Variants in KCNN3 observed in about 807,000 individuals in gnomAD.
KCNN3 encodes the protein small conductance calcium-activated potassium channel protein 3.
Under a neutral mutation model 62.9 loss-of-function variants are expected in KCNN3, and 16 were observed. The ratio of observed to expected loss-of-function variants is 0.25; its 90% confidence interval spans 0.17 to 0.39. The LOEUF (loss-of-function observed/expected upper bound fraction) is 0.39. KCNN3 is among the 10% of genes least tolerant of loss of function. The pLI is 1.00. For synonymous variants in KCNN3, 370 were observed against 389.2 expected, an observed-to-expected ratio of 0.95 and a Z score of 0.58; for missense variants, 599 against 949.4, an observed-to-expected ratio of 0.63 and a Z score of 4.85.
intron 1 of KCNN3, among the ~76,000 whole-genome samples, chr1:154,863,134 G>C (rs1157749536): frequency 6.6e-6 from 1 of 152,072 alleles, no homozygotes; most frequent in Non-Finnish European, 1.5e-5. Flanking sequence ...CGAAGTGCTG[G>C]GTGACCAGAA....
chr1:154,854,713 C>A (rs766307455), intron 1 of KCNN3, among the ~76,000 whole-genome samples: 31 of 152,170 alleles, frequency 2.0e-4, no homozygotes, highest in Non-Finnish European at 3.8e-4. Flanking sequence ...TTCGTGACAT[C>A]TTGATGATCC....
At chr1:154,808,239 C>A (rs1479272548) in intron 2 of KCNN3, among the ~76,000 whole-genome samples, 1 of 152,204 alleles carries the variant, frequency 6.6e-6, no homozygotes. Flanking sequence ...TGCTGCTCAC[C>A]AGGATCTGGC....
At chr1:154,842,924 A>C (rs1302505789) in intron 1 of KCNN3, among the ~76,000 whole-genome samples, 3 of 152,130 alleles carry the variant, frequency 2.0e-5, no homozygotes, top group Non-Finnish European at 4.4e-5. Flanking sequence ...GCCTCAACTT[A>C]CTCATCTATA....
At chr1:154,714,293 GTATGGTGT>G (rs1557938183) in intron 6 of KCNN3, among the ~76,000 whole-genome samples, 2 of 105,510 alleles carry the variant, frequency 1.9e-5, no homozygotes, top group East Asian at 3.3e-4. Context: ...TGTGTGGTGT[GTATGGTGT>G]GTGTGTGGTT....
At chr1:154,867,920 C>T (rs1558014316) in intron 1 of KCNN3, 2 of 984,246 alleles carry the variant, frequency 2.0e-6, no homozygotes, top group South Asian at 4.7e-5. Context: ...GAGAGCTCCC[C>T]GGCAAGCAGA....
chr1:154,782,317 A>G (rs1649085295), intron 2 of KCNN3, among the ~76,000 whole-genome samples: 1 of 152,224 alleles, frequency 6.6e-6, no homozygotes, highest in African/African-American at 2.4e-5. Context: ...CCGAAACAAA[A>G]TATCATAGAC....
Position 154,787,377 on chromosome 1 carries a change from A to T in KCNN3, c.1030-14984T>A, listed in dbSNP as rs571563630. 6.0e-4 allele frequency among the ~76,000 whole-genome samples: 92 copies of T among 152,246 alleles called. 1 individual carries two copies. In the South Asian group the frequency reaches 0.019, roughly 31 times the overall value. On this transcript the variant is annotated intron_variant, in intron 2 of 7. Coordinates refer to ENST00000271915, the MANE Select transcript of KCNN3 (RefSeq NM_002249.6). ...GCCAGGGCATGCGGCAGCCACCATC[A>T]CCACAGCGACTGCTGCTGGTGAGAG...
At chr1:154,780,829 G>A (rs1649011491) in intron 2 of KCNN3, among the ~76,000 whole-genome samples, 1 of 152,106 alleles carries the variant, frequency 6.6e-6, no homozygotes, top group Admixed American at 6.5e-5. Context: ...AGGAAGAAAG[G>A]GAGGCGGGTG....
At chr1:154,816,455 C>T (rs1006878182) in intron 2 of KCNN3, among the ~76,000 whole-genome samples, 1 of 152,254 alleles carries the variant, frequency 6.6e-6, no homozygotes, top group African/African-American at 2.4e-5. Flanking sequence ...ATTCAATAAA[C>T]ATTCACTGAC....
intron 3 of KCNN3, among the ~76,000 whole-genome samples, chr1:154,761,512 T>G (rs898874581): frequency 2.0e-5 from 3 of 152,140 alleles, no homozygotes; most frequent in Admixed American, 6.5e-5. Flanking sequence ...ATCAACTTAA[T>G]GTTTCTATGT....
In KCNN3 at chr1:154,822,200, A is replaced by G. The variant is rs372167853; in HGVS notation, c.934-16T>C. On this transcript the variant is annotated splice_polypyrimidine_tract_variant and intron_variant, in intron 1 of 7. Coordinates refer to ENST00000271915, the MANE Select transcript of KCNN3 (RefSeq NM_002249.6). ...ACATGGAGTCCTGCAGGAACAATGG[A>G]GAGAGAGAATTAGGGAGTGCGGGGA... 62 of 1,577,606 alleles carry G rather than the reference A, an allele frequency of 3.9e-5. No individual in the cohort carries two copies. The highest frequency in any genetic ancestry group is 3.3e-4 in the Middle Eastern group (2 of 6,028).
At chr1:154,826,870 G>A (rs1651156417) in intron 1 of KCNN3, among the ~76,000 whole-genome samples, 4 of 152,250 alleles carry the variant, frequency 2.6e-5, no homozygotes, top group Admixed American at 2.6e-4. Flanking sequence ...ACCTGGAGGG[G>A]CACTGAACCA....
chr1:154,810,284 A>T (rs1229005086), intron 2 of KCNN3, among the ~76,000 whole-genome samples: 1 of 152,144 alleles, frequency 6.6e-6, no homozygotes, highest in Non-Finnish European at 1.5e-5. Flanking sequence ...GCCCAGGCAG[A>T]TGATGGCTTG....
Position 154,772,249 on chromosome 1 carries a change from A to G in KCNN3, c.1174T>C (p.Phe392Leu). The G allele has an allele frequency of 6.2e-7, 1 of 1,614,262 alleles. No individual in the cohort carries two copies. Among genetic ancestry groups the G allele is most frequent in the Non-Finnish European group, 8.5e-7 (1 of 1,180,044 alleles). Reference sequence around the variant, plus strand: ...TCCGCCCGGGAGGGTGTGTAGGAGAAGGCCAGGCGTGCCGTCCAGAAGAAC... The same window carrying G: ...TCCGCCCGGGAGGGTGTGTAGGAGAGGGCCAGGCGTGCCGTCCAGAAGAAC... ...YKFFWTARLA[F>L]SYTPSRAEAD... Residue 392 changes from phenylalanine (F) to leucine (L), a missense_variant, in exon 3 of 8, where the codon TTC becomes CTC. Coordinates refer to ENST00000271915, the MANE Select transcript of KCNN3 (RefSeq NM_002249.6). This position sits in a 1 kb window ranked among gnomAD's most constrained non-coding sequence, Gnocchi z 5.6.
chr1:154,864,417 G>A lies in KCNN3; in HGVS notation c.933+4615C>T, dbSNP rs556026308. ...CTGCCCTTCTGCAGACAAGGCTTCC[G>A]TGACCAGGGAGAGCAGAGGATCAGA... On this transcript the variant is annotated intron_variant, in intron 1 of 7. Transcript: ENST00000271915. 1.2e-4 allele frequency among the ~76,000 whole-genome samples: 18 copies of A among 152,370 alleles called. No individual in the cohort carries two copies. The East Asian group carries it at 2.9e-3, about 24-fold the overall frequency.
At chr1:154,734,966 AC>A (rs1358674105) in intron 3 of KCNN3, among the ~76,000 whole-genome samples, 1 of 140,914 alleles carries the variant, frequency 7.1e-6, no homozygotes, top group Non-Finnish European at 1.6e-5. Flanking sequence ...AGAGGAGAGC[AC>A]CTGGGCTCCA....
chr1:154,843,978 G>A (rs953730400), intron 1 of KCNN3, among the ~76,000 whole-genome samples: 8 of 152,174 alleles, frequency 5.3e-5, no homozygotes, highest in Non-Finnish European at 2.9e-5. Flanking sequence ...GAAAGTAGGA[G>A]GGGGGGCTGC....
In KCNN3 at chr1:154,698,354, G is replaced by C. The variant is rs151224807; in HGVS notation, c.*9622C>G. The stretch of plus-strand genomic sequence containing the variant: ...GTGCCTGCAGCTGTGAGGACAGCTG[G>C]AGAGATCTGTTGTCTTTCTGGTCAC... On this transcript the variant is annotated 3_prime_UTR_variant, in exon 8 of 8. Transcript: ENST00000271915. The C allele has an allele frequency of 0.01, 1,549 of 152,290 alleles. 17 individuals carry two copies. Among genetic ancestry groups the C allele is most frequent in the Non-Finnish European group, 0.015 (998 of 68,038 alleles). 9.4% of individuals were successfully genotyped at this position (152,290 alleles called of 1,614,324 possible). A position where few individuals can be genotyped will look rare whatever the true frequency, so the allele number is the denominator to read the frequency against.
intron 2 of KCNN3, among the ~76,000 whole-genome samples, chr1:154,775,828 C>T (rs752695534): frequency 1.3e-3 from 200 of 152,306 alleles, no homozygotes; most frequent in Non-Finnish European, 2.5e-3. Flanking sequence ...TTCTAACTGC[C>T]GCCCGACAGG....
Sources: gnomAD v4.1 joint callset for allele counts (sites outside exome capture counted in the v4.1 genomes callset) on GRCh38, gnomAD v4.1.1 for gene constraint, Gnocchi (gnomAD v3.1) non-coding constraint, MANE v1.5 for transcripts, NCBI Gene and HGNC (gene_info 2026-07-23, HGNC 2026-07-21) for gene names.